AFG2A: variants seen among roughly 807,000 people sequenced by gnomAD.
The protein encoded by AFG2A is AAA ATPase AFG2A, also known as ATPase family gene 2 protein homolog A.
At chr4:123,272,846 G>C in the AFG2A span, among the ~76,000 whole-genome samples, 2 of 152,160 alleles carry the variant, frequency 1.3e-5, no homozygotes, top group African/African-American at 4.8e-5. Context: ...GGTAACTAGA[G>C]AGATAGTGGT....
At chr4:123,131,106 A>G in the AFG2A span, among the ~76,000 whole-genome samples, 2 of 152,040 alleles carry the variant, frequency 1.3e-5, no homozygotes, top group South Asian at 2.1e-4. Context: ...TACCCTTTCA[A>G]TGGGTTGTTT....
At chr4:123,130,686 T>G in the AFG2A span, among the ~76,000 whole-genome samples, 2 of 152,254 alleles carry the variant, frequency 1.3e-5, no homozygotes, top group Non-Finnish European at 2.9e-5. Flanking sequence ...TTAGATTGTT[T>G]GCAGCTTTTG....
the AFG2A span, among the ~76,000 whole-genome samples, chr4:122,951,269 A>T: frequency 6.6e-6 from 1 of 152,054 alleles, no homozygotes; most frequent in Non-Finnish European, 1.5e-5. Flanking sequence ...TAATCTAGAG[A>T]TTATTTAAAT....
At chr4:123,213,874 A>G in the AFG2A span, among the ~76,000 whole-genome samples, 1 of 152,168 alleles carries the variant, frequency 6.6e-6, no homozygotes, top group African/African-American at 2.4e-5. Context: ...TTGCAGAAGT[A>G]CTTATTGCTT....
the AFG2A span, among the ~76,000 whole-genome samples, chr4:123,064,163 A>G: frequency 4.6e-5 from 7 of 152,184 alleles, no homozygotes; most frequent in Non-Finnish European, 8.8e-5. Context: ...CCTTTGAATA[A>G]GAATTTTTGT....
At chr4:123,222,811 A>G in the AFG2A span, among the ~76,000 whole-genome samples, 1 of 152,190 alleles carries the variant, frequency 6.6e-6, no homozygotes, top group African/African-American at 2.4e-5. Flanking sequence ...TGACTGGTTT[A>G]TATTACTTAG....
At chr4:123,249,518 A>G in the AFG2A span, among the ~76,000 whole-genome samples, 95,510 of 151,956 alleles carry the variant, frequency 0.63, 30,890 homozygotes, top group Admixed American at 0.69. Flanking sequence ...AAATGATCAC[A>G]TTAGCCATGA....
At chr4:123,171,506 A>G in the AFG2A span, among the ~76,000 whole-genome samples, 11 of 152,104 alleles carry the variant, frequency 7.2e-5, no homozygotes, top group Non-Finnish European at 2.9e-5. Context: ...AGTTCTTCCT[A>G]TTTCTAAAAT....
the AFG2A span, among the ~76,000 whole-genome samples, chr4:123,197,536 G>A: frequency 2.6e-5 from 4 of 152,218 alleles, no homozygotes; most frequent in African/African-American, 7.2e-5. Flanking sequence ...TTGGGAGGCC[G>A]AGATGGGCAA....
the AFG2A span, among the ~76,000 whole-genome samples, chr4:122,943,772 A>T: frequency 6.6e-6 from 1 of 152,250 alleles, no homozygotes; most frequent in Admixed American, 6.5e-5. Flanking sequence ...AGCAGCTGGT[A>T]CCGGTTGTTC....
At chr4:123,022,821 G>A in the AFG2A span, among the ~76,000 whole-genome samples, 48 of 152,220 alleles carry the variant, frequency 3.2e-4, no homozygotes, top group Admixed American at 1.3e-3. Context: ...TTAAGAAAAT[G>A]TGGCACATAT....
chr4:123,226,559 C>A, the AFG2A span, among the ~76,000 whole-genome samples: 1 of 152,148 alleles, frequency 6.6e-6, no homozygotes, highest in Non-Finnish European at 1.5e-5. Flanking sequence ...AGGAATGAAG[C>A]CCACTTGATC....
At chr4:122,938,703 G>C in the AFG2A span, among the ~76,000 whole-genome samples, 3 of 152,142 alleles carry the variant, frequency 2.0e-5, no homozygotes, top group African/African-American at 7.2e-5. Context: ...CGATTCTCCT[G>C]CCTCAGCCTC....
At chr4:123,290,450 GGT>G in the AFG2A span, among the ~76,000 whole-genome samples, 1 of 152,038 alleles carries the variant, frequency 6.6e-6, no homozygotes, top group Non-Finnish European at 1.5e-5. Context: ...TATTGAAAAA[GGT>G]GTCCCTTCTC....
At chr4:123,286,965 C>G in the AFG2A span, among the ~76,000 whole-genome samples, 3 of 152,070 alleles carry the variant, frequency 2.0e-5, no homozygotes, top group African/African-American at 7.2e-5. Context: ...ACTCAGAAAG[C>G]CTTTATGGAT....
chr4:123,192,024 T>C, the AFG2A span, among the ~76,000 whole-genome samples: 1 of 152,002 alleles, frequency 6.6e-6, no homozygotes, highest in South Asian at 2.1e-4. Flanking sequence ...ATATAGTCTT[T>C]TCTTCTTTTT....
chr4:123,007,593 TG>T, the AFG2A span, among the ~76,000 whole-genome samples: 10 of 3,622 alleles, frequency 2.8e-3, no homozygotes, highest in East Asian at 0.023. Flanking sequence ...TGTGTGTGTG[TG>T]TGTGTGTGTG....
chr4:123,009,551 TTGTC>T, the AFG2A span, among the ~76,000 whole-genome samples: 1 of 152,240 alleles, frequency 6.6e-6, no homozygotes, highest in Non-Finnish European at 1.5e-5. Context: ...CTAATGTCCT[TTGTC>T]TGTTTGAGGA....
the AFG2A span, among the ~76,000 whole-genome samples, chr4:123,305,106 A>G: frequency 6.6e-6 from 1 of 152,128 alleles, no homozygotes; most frequent in African/African-American, 2.4e-5. Flanking sequence ...TGCTGGCTTC[A>G]TTTTCTCCAC....
Sources: allele counts gnomAD v4.1 joint callset (sites outside exome capture counted in the v4.1 genomes callset), GRCh38; gene constraint gnomAD v4.1.1; transcripts MANE v1.5; gene names NCBI Gene and HGNC (gene_info 2026-07-23, HGNC 2026-07-21).